Variants in ERBB4 observed in about 807,000 individuals in gnomAD.
ERBB4 encodes erb-b2 receptor tyrosine kinase 4.
Under a neutral mutation model 158.0 loss-of-function variants are expected in ERBB4, and 42 were observed. The observed-to-expected ratio is 0.27, with a 90% CI of 0.21 to 0.34. ERBB4 has a LOEUF of 0.34. Ranked by LOEUF, ERBB4 falls within the 10% of genes least tolerant of loss-of-function variation. ERBB4 has a pLI of 1.00. For synonymous variants in ERBB4, 583 were observed against 558.7 expected (o/e 1.04, Z -0.61); for missense variants, 1,333 against 1,624.1 (o/e 0.82, Z 3.08).
chr2:211,623,939 A>C lies in ERBB4; in HGVS notation c.2185T>G (p.Phe729Val). 6.2e-7 allele frequency: 1 copy of C among 1,614,092 alleles called. No homozygotes were observed. The highest frequency in any genetic ancestry group is 8.5e-7 in the Non-Finnish European group (1 of 1,179,990). ...TTACTTACTTTATAAACCGTTCCAA[A>C]AGCACCTGAGCCAAGGACTTTTACC... ...KRVKVLGSGA[F>V]GTVYKGIWVP... The change falls in exon 18 of 28, where the codon TTT (phenylalanine) becomes GTT (valine). Residue 729 changes from phenylalanine (F) to valine (V), a missense_variant. Phe to Val is a conservative substitution (Grantham distance 50). Around this residue, in one of 5 missense-constraint regions of ERBB4, gnomAD observed 314 missense variants for 437.6 expected, o/e 0.72. Coordinates refer to ENST00000342788, the MANE Select transcript of ERBB4 (RefSeq NM_005235.3).
At chr2:212,223,951 T>C (rs1420200905) in intron 1 of ERBB4, among the ~76,000 whole-genome samples, 1 of 151,844 alleles carries the variant, frequency 6.6e-6, no homozygotes, top group Admixed American at 6.6e-5. Flanking sequence ...GACATAAGGC[T>C]TGTAGTTACA....
intron 1 of ERBB4, among the ~76,000 whole-genome samples, chr2:212,506,465 T>C (rs149869685): frequency 0.01 from 1,532 of 151,188 alleles, 43 homozygotes; most frequent in African/African-American, 0.035. Context: ...AGCCAAATTG[T>C]GAATGCAAAG....
At chr2:211,839,591 TAAC>T (rs2077425956) in intron 3 of ERBB4, among the ~76,000 whole-genome samples, 1 of 152,092 alleles carries the variant, frequency 6.6e-6, no homozygotes, top group African/African-American at 2.4e-5. Flanking sequence ...AATATAATAA[TAAC>T]AATAACTGCA....
chr2:211,618,542 A>C (rs1369588416), intron 19 of ERBB4, among the ~76,000 whole-genome samples: 1 of 152,064 alleles, frequency 6.6e-6, no homozygotes, highest in African/African-American at 2.4e-5. Flanking sequence ...TACCTACTCA[A>C]GCTTGGCTTC....
chr2:212,499,824 T>C (rs184384813), intron 1 of ERBB4, among the ~76,000 whole-genome samples: 35 of 152,148 alleles, frequency 2.3e-4, no homozygotes, highest in African/African-American at 8.2e-4. Context: ...ATTGGAAATA[T>C]TCAGAGGATA....
chr2:212,409,916 C>G (rs1345580049), intron 1 of ERBB4, among the ~76,000 whole-genome samples: 1 of 151,976 alleles, frequency 6.6e-6, no homozygotes, highest in Non-Finnish European at 1.5e-5. Flanking sequence ...AATAGTGAAG[C>G]ACTTTGAAAT....
chr2:212,359,283 T>A (rs1402549601), intron 1 of ERBB4, among the ~76,000 whole-genome samples: 2 of 151,684 alleles, frequency 1.3e-5, no homozygotes, highest in Middle Eastern at 3.4e-3. Flanking sequence ...TATACATATA[T>A]ATATCCATAT....
intron 1 of ERBB4, among the ~76,000 whole-genome samples, chr2:212,303,473 T>C (rs1271889817): frequency 1.3e-5 from 2 of 150,424 alleles, no homozygotes; most frequent in Admixed American, 1.3e-4. Flanking sequence ...TTGTAAATCC[T>C]GAGAACAGAC....
chr2:212,449,529 GATAAAT>G (rs2092414513), intron 1 of ERBB4, among the ~76,000 whole-genome samples: 3 of 152,088 alleles, frequency 2.0e-5, no homozygotes, highest in South Asian at 4.1e-4. Flanking sequence ...AGATGATAAT[GATAAAT>G]ATTACTCTAA....
intron 22 of ERBB4, among the ~76,000 whole-genome samples, chr2:211,426,079 A>G (rs1247355154): frequency 1.2e-4 from 19 of 152,134 alleles, no homozygotes; most frequent in Middle Eastern, 3.4e-3. Context: ...AACTCCCAAC[A>G]TAAGCAAGAT....
At chr2:211,998,771 A>T (rs2076032017) in intron 2 of ERBB4, among the ~76,000 whole-genome samples, 1 of 151,866 alleles carries the variant, frequency 6.6e-6, no homozygotes, top group South Asian at 2.1e-4. Flanking sequence ...TTTCACAACC[A>T]TGATACCCTA....
At chr2:212,376,668 C>A (rs1021386448) in intron 1 of ERBB4, among the ~76,000 whole-genome samples, 6 of 151,980 alleles carry the variant, frequency 3.9e-5, no homozygotes, top group Admixed American at 2.0e-4. Flanking sequence ...AAAGGACACT[C>A]ATTTTCTTCA....
chr2:212,146,986 CTTTT>C (rs34029473), intron 1 of ERBB4, among the ~76,000 whole-genome samples: 4 of 77,452 alleles, frequency 5.2e-5, no homozygotes, highest in African/African-American at 1.6e-4. Context: ...CATTGTTAGA[CTTTT>C]TTTTTTTTTT....
At chr2:211,567,683 C>T (rs543138204) in intron 19 of ERBB4, among the ~76,000 whole-genome samples, 1 of 152,028 alleles carries the variant, frequency 6.6e-6, no homozygotes, top group East Asian at 1.9e-4. Flanking sequence ...AAAAATTGCT[C>T]ATCACACTAC....
chr2:211,457,849 A>G (rs988120133), intron 20 of ERBB4, among the ~76,000 whole-genome samples: 1 of 152,218 alleles, frequency 6.6e-6, no homozygotes, highest in Non-Finnish European at 1.5e-5. Context: ...ACAGCCTTTC[A>G]TGCAACTGCT....
At chr2:211,819,300 T>C (rs991006836) in intron 3 of ERBB4, among the ~76,000 whole-genome samples, 3 of 151,986 alleles carry the variant, frequency 2.0e-5, no homozygotes, top group Non-Finnish European at 4.4e-5. Flanking sequence ...TCTGATCACA[T>C]AGAAAACACT....
At chr2:211,892,357 AC>A (rs1259139558) in intron 3 of ERBB4, among the ~76,000 whole-genome samples, 2 of 76,766 alleles carry the variant, frequency 2.6e-5, no homozygotes, top group African/African-American at 6.5e-5. Context: ...AAATTCAACA[AC>A]CCTTCATGCT....
intron 20 of ERBB4, among the ~76,000 whole-genome samples, chr2:211,521,953 C>CAAT (rs1383512983): frequency 6.6e-6 from 1 of 152,114 alleles, no homozygotes; most frequent in East Asian, 1.9e-4. Context: ...GGCTAATTGA[C>CAAT]AATACATCTA....
At chr2:211,717,459 A>T (rs1001685422) in intron 7 of ERBB4, among the ~76,000 whole-genome samples, 2 of 152,246 alleles carry the variant, frequency 1.3e-5, no homozygotes, top group African/African-American at 2.4e-5. Flanking sequence ...AAGTCAAAGT[A>T]CAATTTTTAC....
Sources: gnomAD v4.1 joint callset for allele counts (sites outside exome capture counted in the v4.1 genomes callset) on GRCh38, gnomAD v4.1.1 for gene constraint, gnomAD v4.1.1 regional missense constraint, MANE v1.5 for transcripts, NCBI Gene and HGNC (gene_info 2026-07-23, HGNC 2026-07-21) for gene names.